Variants in ARSG observed in about 807,000 individuals in gnomAD.
ARSG encodes the protein ASG.
ARSG carries 37 observed loss-of-function variants against 50.5 expected under a neutral mutation model. The ratio of observed to expected loss-of-function variants is 0.73; its 90% CI spans 0.56 to 0.96. ARSG has a LOEUF of 0.96. Ranked by LOEUF, ARSG falls within the 50% of genes least tolerant of loss-of-function variation. The pLI, the probability that ARSG is intolerant of heterozygous loss-of-function variation, is 0.00. For missense variants in ARSG, 629 were observed against 675.3 expected, an observed-to-expected ratio of 0.93 and a Z score of 0.76; for synonymous variants, 225 against 254.6, an observed-to-expected ratio of 0.88 and a Z score of 1.11.
At chr17:68,298,206 T>G (rs1324364706) in intron 1 of ARSG, among the ~76,000 whole-genome samples, 1 of 152,160 alleles carries the variant, frequency 6.6e-6, no homozygotes, top group African/African-American at 2.4e-5. Flanking sequence ...TTTCCTAAAT[T>G]TGGGTCTTAC....
chr17:68,367,439 A>T lies in ARSG; in HGVS notation c.705-1109A>T, dbSNP rs1172182052. ...GGGCCATGCATCTACCCCCACCAGA[A>T]TGTTGTTGACTCTGTACTCTCCCAA... On this transcript the variant is annotated intron_variant, in intron 6 of 11. Transcript: ENST00000621439. The surrounding 1 kb of genome is among the most constrained non-coding windows in gnomAD (Gnocchi z 4.5). Among the ~76,000 whole-genome samples the T allele has an allele frequency of 6.6e-6, 1 of 152,064 alleles. No homozygotes were observed. Among genetic ancestry groups the T allele is most frequent in the Non-Finnish European group, 1.5e-5 (1 of 67,998 alleles).
the ARSG span, among the ~76,000 whole-genome samples, chr17:68,442,505 G>A: frequency 6.6e-6 from 1 of 151,956 alleles, no homozygotes; most frequent in Non-Finnish European, 1.5e-5. Flanking sequence ...TGTTTGCAAG[G>A]GAGGGTGCTC....
chr17:68,408,485 T>C (rs1235613489), intron 11 of ARSG, among the ~76,000 whole-genome samples: 2 of 151,998 alleles, frequency 1.3e-5, no homozygotes, highest in African/African-American at 4.8e-5. Context: ...TAGTATTCCA[T>C]GGTGTATATG....
chr17:68,288,142 G>A (rs1428635741), upstream of ARSG, among the ~76,000 whole-genome samples: 8 of 151,514 alleles, frequency 5.3e-5, no homozygotes, highest in African/African-American at 1.7e-4. Flanking sequence ...GATTAAAGGC[G>A]CATGCCACCA....
intron 11 of ARSG, among the ~76,000 whole-genome samples, chr17:68,407,754 G>A (rs2081796413): frequency 6.6e-6 from 1 of 152,092 alleles, no homozygotes; most frequent in Non-Finnish European, 1.5e-5. Context: ...GGAGCTTTCT[G>A]GAGGAGTCTT....
chr17:68,446,329 C>G, the ARSG span, among the ~76,000 whole-genome samples: 1 of 151,952 alleles, frequency 6.6e-6, no homozygotes, highest in African/African-American at 2.4e-5. Flanking sequence ...TACAGGTGTG[C>G]GCCACCATGC....
chr17:68,377,235 TC>T (rs1234855186), intron 8 of ARSG, among the ~76,000 whole-genome samples: 1 of 152,124 alleles, frequency 6.6e-6, no homozygotes, highest in Non-Finnish European at 1.5e-5. Context: ...ATGGAAGGCA[TC>T]CCCGAGGCCA....
chr17:68,281,351 G>A (rs1555752747), intron 1 of ARSG, among the ~76,000 whole-genome samples: 2 of 152,020 alleles, frequency 1.3e-5, no homozygotes, highest in African/African-American at 4.8e-5. Flanking sequence ...GGTGGATCAT[G>A]AGGTCAAGAG....
chr17:68,423,951 T>C (rs1300125395), downstream of ARSG, among the ~76,000 whole-genome samples: 2 of 152,158 alleles, frequency 1.3e-5, no homozygotes. The surrounding 1 kb of genome is among the most constrained non-coding windows in gnomAD (Gnocchi z 4.4). Flanking sequence ...ACCTAGTGAG[T>C]GTCTGGATGT....
intron 11 of ARSG, among the ~76,000 whole-genome samples, chr17:68,412,700 A>G (rs1473429139): frequency 6.6e-6 from 1 of 151,866 alleles, no homozygotes; most frequent in Admixed American, 6.6e-5. Flanking sequence ...CTCCTGGATA[A>G]TATCCTGCAG....
At chr17:68,276,649 T>C (rs782732300) in intron 1 of ARSG, among the ~76,000 whole-genome samples, 1 of 152,152 alleles carries the variant, frequency 6.6e-6, no homozygotes, top group Non-Finnish European at 1.5e-5. Context: ...AGATGGAGTC[T>C]TGCTATGTTG....
At chr17:68,394,659 G>C (rs2081152397) in intron 9 of ARSG, among the ~76,000 whole-genome samples, 1 of 152,048 alleles carries the variant, frequency 6.6e-6, no homozygotes, top group African/African-American at 2.4e-5. Flanking sequence ...AAACATGTTT[G>C]ATTTATGGCA....
intron 9 of ARSG, among the ~76,000 whole-genome samples, chr17:68,385,450 G>A (rs2080665213): frequency 6.6e-6 from 1 of 150,952 alleles, no homozygotes; most frequent in South Asian, 2.1e-4. Context: ...GATTGCTGAG[G>A]TCAGGAGTTT....
chr17:68,314,008 G>A (rs944420343), intron 2 of ARSG, among the ~76,000 whole-genome samples: 5 of 151,906 alleles, frequency 3.3e-5, no homozygotes, highest in African/African-American at 9.7e-5. Context: ...CGCTTCTAAC[G>A]CAGTCTATAA....
chr17:68,305,790 G>C (rs1410167565), intron 1 of ARSG, among the ~76,000 whole-genome samples: 1 of 151,926 alleles, frequency 6.6e-6, no homozygotes, highest in Non-Finnish European at 1.5e-5. Flanking sequence ...AATTTTGGCT[G>C]GGCCTGGGTG....
chr17:68,395,140 G>A lies in ARSG; in HGVS notation c.1159G>A (p.Asp387Asn). Residue 387 changes from aspartate to asparagine, a missense_variant, in exon 10 of 12, where the codon GAT (aspartate) becomes AAT (asparagine). By Grantham distance (23) the Asp-to-Asn change is conservative. Coordinates refer to ENST00000621439, the MANE Select transcript of ARSG (RefSeq NM_001267727.2). ...CAGCTTACCTCAAGGACGGCGCTTT[G>A]ATGGTGTGGACGTCTCCGAGGTGCT... ...QASLPQGRRF[D>N]GVDVSEVLFG... 1 of 1,614,172 alleles carries A rather than the reference G, an allele frequency of 6.2e-7. No individual in the cohort carries two copies. The highest frequency in any genetic ancestry group is 8.5e-7 in the Non-Finnish European group (1 of 1,179,996).
chr17:68,358,300 CTT>C (rs2079124544), intron 6 of ARSG, among the ~76,000 whole-genome samples: 1 of 152,076 alleles, frequency 6.6e-6, no homozygotes, highest in Non-Finnish European at 1.5e-5. Context: ...AATCCCAGTG[CTT>C]TGGGATTACA....
chr17:68,448,943 C>T, the ARSG span, among the ~76,000 whole-genome samples: 12 of 152,188 alleles, frequency 7.9e-5, no homozygotes, highest in Non-Finnish European at 1.8e-4. Context: ...CTTAAAAGGT[C>T]CCACTTCTCT....
At chr17:68,326,683 A>C (rs1176940915) in intron 2 of ARSG, among the ~76,000 whole-genome samples, 3 of 152,148 alleles carry the variant, frequency 2.0e-5, no homozygotes, top group Admixed American at 6.5e-5. Context: ...AACAAACAAA[A>C]AAAGCAGAAA....
Sources: gnomAD v4.1 joint callset for allele counts (sites outside exome capture counted in the v4.1 genomes callset) on GRCh38, gnomAD v4.1.1 for gene constraint, Gnocchi (gnomAD v3.1) non-coding constraint, MANE v1.5 for transcripts, NCBI Gene and HGNC (gene_info 2026-07-23, HGNC 2026-07-21) for gene names.